Variants in SLC26A6 observed in about 807,000 individuals in gnomAD.
SLC26A6 encodes the protein solute carrier family 26 member 6, also known as anion exchange transporter.
In SLC26A6, 67 loss-of-function variants were observed where a neutral mutation model predicts 87.1. The ratio of observed to expected loss-of-function variants is 0.77; its 90% CI spans 0.63 to 0.94. The LOEUF (loss-of-function observed/expected upper bound fraction) is 0.94, where lower values mean the gene tolerates loss of function less well. Among genes scored for constraint, SLC26A6 ranks in the 40% least tolerant of loss-of-function variants. The pLI is 0.00. For synonymous variants in SLC26A6, 414 were observed against 405.9 expected (o/e 1.02, Z -0.24); for missense variants, 902 against 973.0 (o/e 0.93, Z 0.97).
chr3:48,631,383 G>T, intron 7 of SLC26A6, 77 bp from the exon 8 acceptor site: 1 of 1,425,514 alleles, frequency 7.0e-7, no homozygotes, highest in Non-Finnish European at 9.3e-7. Context: ...TGTGAGGTGA[G>T]GAGGGAGATA....
intron 11 of SLC26A6, 58 bp downstream of exon 11, chr3:48,630,380 G>C: frequency 1.3e-6 from 2 of 1,520,076 alleles, no homozygotes; most frequent in Non-Finnish European, 8.9e-7. Context: ...ACCTAGACTG[G>C]CTGATTTGAG....
At chr3:48,629,769 G>A in intron 13 of SLC26A6, 58 bp from the exon 14 acceptor site, 1 of 1,609,570 alleles carries the variant, frequency 6.2e-7, no homozygotes, top group Non-Finnish European at 8.5e-7. Flanking sequence ...TAACAGAGGG[G>A]TCCGAAGGAG....
chr3:48,626,524 C>T (rs1334137783), intron 19 of SLC26A6, 107 bp downstream of exon 19: 2 of 1,562,452 alleles, frequency 1.3e-6, no homozygotes, highest in South Asian at 1.1e-5. Context: ...CACCTCTGAC[C>T]TCCAGTTCCA....
At chr3:48,626,399 G>A (rs2106640557) in intron 19 of SLC26A6, 45 bp from the exon 20 acceptor site, 2 of 1,612,782 alleles carry the variant, frequency 1.2e-6, no homozygotes, top group South Asian at 1.1e-5. Flanking sequence ...GAACCTCTAG[G>A]AACTCAACTC....
chr3:48,628,565 G>A lies in SLC26A6; in HGVS notation c.1693-24C>T, dbSNP rs2106650628. 1 of 1,614,072 alleles carries A rather than the reference G, an allele frequency of 6.2e-7. No homozygotes were observed. Among genetic ancestry groups the A allele is most frequent in the Middle Eastern group, 1.7e-4 (1 of 6,058 alleles). ...CACTGGAGGCAAACATCAGAGAAGG[G>A]TTGGTGAGCTCTCTGGGAGCTGGGG... On this transcript the variant is annotated intron_variant, in intron 15 of 20. Transcript: ENST00000395550. The surrounding 1 kb of genome is among the most constrained non-coding windows in gnomAD (Gnocchi z 4.4).
In SLC26A6 at chr3:48,628,821, C is replaced by G. The variant is rs2046699607; in HGVS notation, c.1600-107G>C. ...GTGCCCAGTGCCTGCCACCGCCCAG[C>G]CCTCTGCTCCCCAGGCTGCAGTCCA... On this transcript the variant is annotated intron_variant, in intron 14 of 20. Coordinates refer to ENST00000395550, the MANE Select transcript of SLC26A6 (RefSeq NM_022911.3). This position sits in a 1 kb window ranked among gnomAD's most constrained non-coding sequence, Gnocchi z 4.4. 2 of 1,288,596 alleles carry G rather than the reference C, an allele frequency of 1.6e-6. No homozygotes were observed. The highest frequency in any genetic ancestry group is 1.1e-6 in the Non-Finnish European group (1 of 916,420). 79.8% of individuals were successfully genotyped at this position (1,288,596 alleles called of 1,614,324 possible). A position where few individuals can be genotyped will look rare whatever the true frequency, so the allele number is the denominator to read the frequency against.
Position 48,635,415 on chromosome 3 carries a change from G to A in SLC26A6, c.-22C>T, listed in dbSNP as rs778537326. 3.2e-6 allele frequency: 5 copies of A among 1,577,228 alleles called. No homozygotes were observed. Among genetic ancestry groups the A allele is most frequent in the East Asian group, 2.3e-5 (1 of 42,692 alleles). On this transcript the variant is annotated 5_prime_UTR_variant, in exon 1 of 21. Transcript: ENST00000395550. ...CCATGGCTCGCAAGTTGTCCGGTGC[G>A]GGCTGCTCCTGCTGCTCGAGCTAGA...
chr3:48,627,277 C>T (rs1575523221), intron 17 of SLC26A6: 1 of 570,530 alleles, frequency 1.8e-6, no homozygotes, highest in East Asian at 3.0e-5. Flanking sequence ...GCTCTGCTAC[C>T]TCCTGGGCCG....
At chr3:48,627,336 C>A in intron 17 of SLC26A6, 1 of 423,072 alleles carries the variant, frequency 2.4e-6, no homozygotes. Context: ...TTCTCATCAG[C>A]CAGGGCTGAG....
At chr3:48,627,613 T>A in intron 17 of SLC26A6, 1 of 217,752 alleles carries the variant, frequency 4.6e-6, no homozygotes, top group South Asian at 1.1e-4. Flanking sequence ...GAGCTGGGAC[T>A]ACAGGCGCGT....
rs780123926 is a variant in SLC26A6, at chr3:48,631,032, G to C, written c.1095C>G (p.Ile365Met). The C allele has an allele frequency of 5.6e-6, 9 of 1,613,752 alleles. No homozygotes were observed. Among genetic ancestry groups the C allele is most frequent in the Non-Finnish European group, 7.6e-6 (9 of 1,180,038 alleles). The change falls in exon 9 of 21, where the codon ATC (isoleucine) becomes ATG (methionine). Residue 365 changes from isoleucine to methionine, a missense_variant. Around this residue, in one of 3 missense-constraint regions of SLC26A6, gnomAD observed 800 missense variants for 856.8 expected, o/e 0.93. Coordinates refer to ENST00000395550, the MANE Select transcript of SLC26A6 (RefSeq NM_022911.3). ...CCCGGTAGCCGTGCCTCAGGGCGAA[G>C]ATCTTCCCCAGTGAGATGGCAATGG... ...GFAIAISLGK[I>M]FALRHGYRVD...
At chr3:48,634,285 C>A (rs2046893095) in intron 1 of SLC26A6, 1 of 152,720 alleles carries the variant, frequency 6.5e-6, no homozygotes, top group Non-Finnish European at 1.5e-5. Flanking sequence ...GAGGGAGAGG[C>A]TCCCACATGG....
Position 48,628,858 on chromosome 3 carries a change from G to A in SLC26A6, c.1600-144C>T. 1 of 943,988 alleles carries A rather than the reference G, an allele frequency of 1.1e-6. No homozygotes were observed. The highest frequency in any genetic ancestry group is 1.6e-6 in the Non-Finnish European group (1 of 618,862). 58.5% of individuals were successfully genotyped at this position (943,988 alleles called of 1,614,324 possible). ...CAGGCTGCAGTCCAGGCCCTCCCAG[G>A]GGCTTAGGCCACAAGCCCGACGGTG... is the stretch of plus-strand genomic sequence containing the variant. On this transcript the variant is annotated intron_variant, in intron 14 of 20. Transcript: ENST00000395550. This position sits in a 1 kb window ranked among gnomAD's most constrained non-coding sequence, Gnocchi z 4.4.
At chr3:48,627,114 G>A (rs1009208180) in intron 17 of SLC26A6, 59 bp from the exon 18 acceptor site, 25 of 1,568,312 alleles carry the variant, frequency 1.6e-5, no homozygotes, top group East Asian at 2.2e-5. Flanking sequence ...AGGACTGGCC[G>A]CACACAGACA....
At position 48,630,125 on chromosome 3, in the gene SLC26A6, C is replaced by T; in HGVS notation, c.1359G>A (p.Leu453=). 1 of 1,610,536 alleles carries T rather than the reference C, an allele frequency of 6.2e-7. No individual in the cohort carries two copies. The highest frequency in any genetic ancestry group is 8.5e-7 in the Non-Finnish European group (1 of 1,177,400). Residue 453 remains leucine (L), a synonymous_variant, in exon 12 of 21, where the codon CTG becomes CTA. Transcript: ENST00000395550. ...AVLAAIIIVN[L]KGMLRQLSDM... ...CGCTGAGCTGCCTCAGCATGCCCTTCAGGTTCACAATGATGATGGCTGCCA... is the reference window on the plus strand; with the variant it reads ...CGCTGAGCTGCCTCAGCATGCCCTTTAGGTTCACAATGATGATGGCTGCCA...
intron 3 of SLC26A6, 66 bp from the exon 4 acceptor site, chr3:48,633,150 C>T (rs1335130738): frequency 1.3e-6 from 2 of 1,582,720 alleles, no homozygotes; most frequent in Non-Finnish European, 1.7e-6. Context: ...GGAATCCCAG[C>T]CCTGGGTTAG....
In SLC26A6 at chr3:48,628,008, T is replaced by C. The variant is rs763003736; in HGVS notation, c.1831A>G (p.Ile611Val). Residue 611 changes from isoleucine (I) to valine (V), a missense_variant, in exon 17 of 21, where the codon ATT becomes GTT. This residue lies in a region of SLC26A6 where 800 missense variants were observed against 856.8 expected (regional missense o/e 0.93). Transcript: ENST00000395550. This position sits in a 1 kb window ranked among gnomAD's most constrained non-coding sequence, Gnocchi z 4.4. The part of the protein sequence containing the change: ...AASPKGASVS[I>V]NVNTSLEDMR... ...TCTTCAAGGCTGGTGTTGACATTAA[T>C]GGAAACTGAGGCGCCCTTGGGGGAG... 4 of 1,590,474 alleles carry C rather than the reference T, an allele frequency of 2.5e-6. No homozygotes were observed. Among genetic ancestry groups the C allele is most frequent in the Non-Finnish European group, 3.4e-6 (4 of 1,172,668 alleles).
rs1383298101 is a variant in SLC26A6, at chr3:48,631,676, G to A, written c.876C>T (p.Pro292=). 2 of 1,613,246 alleles carry A rather than the reference G, an allele frequency of 1.2e-6. No homozygotes were observed. The highest frequency in any genetic ancestry group is 1.7e-5 in the Admixed American group (1 of 59,996). The change falls in exon 7 of 21, where the codon CCC becomes CCT. Residue 292 remains proline (P), a synonymous_variant. Transcript: ENST00000395550. ...LLNDKLQQQL[P]MPIPGELLTL... is the part of the protein sequence containing the mutation. Reference sequence around the variant, plus strand: ...TGAGCAGCTCCCCGGGTATCGGCATGGGCAGCTGCTGCTGCAGCTTGTCAT... The same window carrying A: ...TGAGCAGCTCCCCGGGTATCGGCATAGGCAGCTGCTGCTGCAGCTTGTCAT...
In SLC26A6 at chr3:48,626,863, C is replaced by T. The variant is rs760006329; in HGVS notation, c.2073+13G>A. 7 of 1,610,620 alleles carry T rather than the reference C, an allele frequency of 4.3e-6. No individual in the cohort carries two copies. The highest frequency in any genetic ancestry group is 5.9e-6 in the Non-Finnish European group (7 of 1,178,350). ...TGGAAGCTCGAGGGGCCTTGGCCTG[C>T]CCCCGTCCTTACATTCTTCAGGCTC... On this transcript the variant is annotated intron_variant, in intron 18 of 20. Coordinates refer to ENST00000395550, the MANE Select transcript of SLC26A6 (RefSeq NM_022911.3).
Sources: allele counts gnomAD v4.1 joint callset, GRCh38; gene constraint gnomAD v4.1.1; regional missense constraint gnomAD v4.1.1; non-coding constraint Gnocchi (gnomAD v3.1); transcripts MANE v1.5; gene names NCBI Gene and HGNC (gene_info 2026-07-23, HGNC 2026-07-21).